Variants in TRPM8 observed in about 807,000 individuals in gnomAD.
TRPM8 encodes TRPM8 cationic channel.
TRPM8 carries 110 observed loss-of-function variants against 133.7 expected under a neutral mutation model. The ratio of observed to expected loss-of-function variants is 0.82; its 90% CI spans 0.70 to 0.96. The LOEUF is 0.96. Among genes scored for constraint, TRPM8 ranks in the 40% least tolerant of loss-of-function variants. The probability of loss-of-function intolerance (pLI) is 0.00; values close to 1 mark genes in which losing one functional copy is unlikely to be tolerated. For missense variants in TRPM8, 1,291 were observed against 1,379.5 expected (o/e 0.94, Z 1.02); for synonymous variants, 535 against 532.3 (o/e 1.01, Z -0.07).
intron 13 of TRPM8, among the ~76,000 whole-genome samples, 198 bp from the exon 14 acceptor site, chr2:233,964,430 T>C (rs897880587): frequency 2.6e-5 from 4 of 151,242 alleles, no homozygotes; most frequent in Admixed American, 6.6e-5. Flanking sequence ...TGGGTGCCTA[T>C]AATCCCAACT....
At chr2:233,927,950 C>CTT (rs1691597860) in intron 2 of TRPM8, among the ~76,000 whole-genome samples, 1 of 72,860 alleles carries the variant, frequency 1.4e-5, no homozygotes, top group East Asian at 5.0e-4. Context: ...CTCTCTCTCT[C>CTT]TCTCTCTCTC....
intron 11 of TRPM8, among the ~76,000 whole-genome samples, chr2:233,956,854 A>T (rs1201738029): frequency 6.6e-6 from 1 of 152,148 alleles, no homozygotes; most frequent in Non-Finnish European, 1.5e-5. Flanking sequence ...TGGAACTATA[A>T]GTAGGTCCAG....
At chr2:233,949,725 T>C (rs536662174) in intron 8 of TRPM8, among the ~76,000 whole-genome samples, 13 of 152,394 alleles carry the variant, frequency 8.5e-5, no homozygotes, top group East Asian at 1.9e-4. Flanking sequence ...GTTCTTATTA[T>C]GGAATTTGTT....
rs1430783491 is a variant in TRPM8 at position 233,933,401 on chromosome 2, A to G, written c.191+2660A>G. On this transcript the variant is annotated intron_variant, in intron 3 of 25. Coordinates refer to ENST00000324695, the MANE Select transcript of TRPM8 (RefSeq NM_024080.5). ...AAATAACCACGTGAGGTCAGTGGCT[A>G]CCATATTGGACGGTGTAGTTCTACA... Among the ~76,000 whole-genome samples, 6 of 152,314 alleles carry G rather than the reference A, an allele frequency of 3.9e-5. No homozygotes were observed. In the East Asian group the frequency reaches 1.2e-3, roughly 29 times the overall value.
At chr2:233,929,962 T>A (rs1446835963) in intron 2 of TRPM8, among the ~76,000 whole-genome samples, 5 of 152,248 alleles carry the variant, frequency 3.3e-5, no homozygotes, top group African/African-American at 7.2e-5. Context: ...TCTCTTTCAA[T>A]GAATGCTTAC....
chr2:233,978,915 T>C (rs1287293276), intron 17 of TRPM8, among the ~76,000 whole-genome samples: 1 of 152,198 alleles, frequency 6.6e-6, no homozygotes, highest in Non-Finnish European at 1.5e-5. Flanking sequence ...GAAATGCTTC[T>C]TGAGAAATTA....
chr2:233,984,836 C>T (rs968067025), intron 20 of TRPM8, among the ~76,000 whole-genome samples: 4 of 152,188 alleles, frequency 2.6e-5, no homozygotes, highest in African/African-American at 9.7e-5. Context: ...GTAATCCCAG[C>T]ACTTTGGGAG....
chr2:233,996,408 C>T lies in TRPM8; in HGVS notation c.3022C>T (p.Arg1008Cys), dbSNP rs199727860. ...RYFLVQEYCS[R>C]LNIPFPFIVF... The stretch of plus-strand genomic sequence containing the variant: ...CTTCCTGGTGCAGGAGTACTGCAGC[C>T]GCCTCAATATCCCCTTCCCCTTCAT... The change falls in exon 22 of 26, where the codon CGC (arginine) becomes TGC (cysteine). Residue 1008 changes from arginine to cysteine, a missense_variant. Coordinates refer to ENST00000324695, the MANE Select transcript of TRPM8 (RefSeq NM_024080.5). The T allele has an allele frequency of 1.2e-5, 20 of 1,614,018 alleles. 1 individual carries two copies. The highest frequency in any genetic ancestry group is 3.3e-5 in the South Asian group (3 of 91,088).
intron 17 of TRPM8, among the ~76,000 whole-genome samples, chr2:233,976,572 A>G (rs369487983): frequency 1.3e-5 from 2 of 152,056 alleles, no homozygotes; most frequent in African/African-American, 4.8e-5. Context: ...GCTGACCCCT[A>G]CCTATTCTGT....
intron 17 of TRPM8, among the ~76,000 whole-genome samples, chr2:233,978,619 T>C (rs1271685783): frequency 1.3e-5 from 2 of 152,226 alleles, no homozygotes; most frequent in Non-Finnish European, 2.9e-5. Context: ...ACTCTGTTCC[T>C]TTTTAAAAAC....
intron 15 of TRPM8, among the ~76,000 whole-genome samples, chr2:233,968,577 A>G (rs1691632016): frequency 6.6e-6 from 1 of 152,136 alleles, no homozygotes; most frequent in Admixed American, 6.5e-5. Context: ...AGGGGCCCTC[A>G]GAAGCAGCCA....
chr2:233,971,985 A>G (rs1292147961), intron 17 of TRPM8, among the ~76,000 whole-genome samples: 1 of 152,066 alleles, frequency 6.6e-6, no homozygotes, highest in Non-Finnish European at 1.5e-5. Context: ...CCTGAGCTAG[A>G]CACCAAGGTT....
At chr2:234,012,219 C>A (rs1692857302) in intron 24 of TRPM8, among the ~76,000 whole-genome samples, 1 of 151,242 alleles carries the variant, frequency 6.6e-6, no homozygotes, top group South Asian at 2.1e-4. Context: ...GCAATCTCAG[C>A]CCACTGCAAC....
intron 21 of TRPM8, among the ~76,000 whole-genome samples, chr2:233,991,463 C>G (rs1692275141): frequency 1.3e-5 from 2 of 152,178 alleles, no homozygotes; most frequent in South Asian, 4.2e-4. Flanking sequence ...AGCGAAAAGT[C>G]ACTGTCACCA....
At chr2:233,971,110 G>T (rs1426605678) in intron 17 of TRPM8, among the ~76,000 whole-genome samples, 1 of 152,180 alleles carries the variant, frequency 6.6e-6, no homozygotes, top group South Asian at 2.1e-4. Context: ...TTTACAAATT[G>T]TTTGACAACT....
intron 25 of TRPM8, among the ~76,000 whole-genome samples, chr2:234,015,757 C>G (rs759748389): frequency 6.6e-6 from 1 of 152,150 alleles, no homozygotes; most frequent in Non-Finnish European, 1.5e-5. Context: ...CTGACGTGCT[C>G]AAGAAAATAA....
intron 8 of TRPM8, among the ~76,000 whole-genome samples, chr2:233,949,164 C>T (rs1023571217): frequency 1.3e-5 from 2 of 152,204 alleles, no homozygotes; most frequent in South Asian, 2.1e-4. Context: ...AGAGGGATCC[C>T]GGCCTGCTCT....
At chr2:234,000,841 G>T (rs1390675577) in intron 22 of TRPM8, among the ~76,000 whole-genome samples, 1 of 152,144 alleles carries the variant, frequency 6.6e-6, no homozygotes, top group African/African-American at 2.4e-5. Flanking sequence ...ACCACGCCAG[G>T]CTGGTTTTTG....
intron 21 of TRPM8, among the ~76,000 whole-genome samples, chr2:233,993,729 G>C (rs1692338168): frequency 6.6e-6 from 1 of 152,144 alleles, no homozygotes; most frequent in Non-Finnish European, 1.5e-5. Context: ...TTTCCACTCT[G>C]AGCTCTCTGA....
Sources: allele counts gnomAD v4.1 joint callset (sites outside exome capture counted in the v4.1 genomes callset), GRCh38; gene constraint gnomAD v4.1.1; transcripts MANE v1.5; gene names NCBI Gene and HGNC (gene_info 2026-07-23, HGNC 2026-07-21).